Variants in ICA1 observed in about 807,000 individuals in gnomAD.
ICA1 encodes islet cell autoantigen 1.
A neutral mutation model predicts 71.0 loss-of-function variants in ICA1; 40 were observed. That is an observed-to-expected ratio of 0.56 (90% confidence interval 0.44 to 0.73). The LOEUF (loss-of-function observed/expected upper bound fraction) is 0.73, where lower values mean the gene tolerates loss of function less well. ICA1 is among the 30% of genes least tolerant of loss of function. ICA1 has a pLI of 0.00. For synonymous variants in ICA1, 207 were observed against 209.5 expected, an observed-to-expected ratio of 0.99 and a Z score of 0.10; for missense variants, 578 against 576.5, an observed-to-expected ratio of 1.00 and a Z score of -0.03.
intron 8 of ICA1, among the ~76,000 whole-genome samples, chr7:8,148,027 G>A (rs905705408): frequency 2.6e-5 from 4 of 152,002 alleles, no homozygotes; most frequent in Non-Finnish European, 5.9e-5. Flanking sequence ...GGTGTGTGTC[G>A]GTGCGACCTG....
intron 1 of ICA1, among the ~76,000 whole-genome samples, chr7:8,242,893 A>G (rs147024480): frequency 0.033 from 4,992 of 152,304 alleles, 149 homozygotes; most frequent in African/African-American, 0.076. Context: ...GAATAGACCA[A>G]TAACAGGCTC....
intron 1 of ICA1, among the ~76,000 whole-genome samples, chr7:8,239,617 G>C (rs747905145): frequency 6.6e-6 from 1 of 152,228 alleles, no homozygotes; most frequent in Non-Finnish European, 1.5e-5. Flanking sequence ...GGAAGTGCAA[G>C]GGGTCGGGGG....
chr7:8,170,354 G>A (rs1807848344), intron 6 of ICA1, among the ~76,000 whole-genome samples: 2 of 151,842 alleles, frequency 1.3e-5, no homozygotes, highest in African/African-American at 4.8e-5. Flanking sequence ...AAATCTTAGG[G>A]TCAGCTTGTC....
At chr7:8,131,518 T>A (rs183669231) in intron 12 of ICA1, among the ~76,000 whole-genome samples, 19 of 152,316 alleles carry the variant, frequency 1.2e-4, no homozygotes, top group Admixed American at 1.2e-3. Context: ...TTTAGCCTTT[T>A]ATTTGGCTTC....
chr7:8,225,112 T>G (rs1383315732), intron 4 of ICA1, among the ~76,000 whole-genome samples: 2 of 152,220 alleles, frequency 1.3e-5, no homozygotes, highest in African/African-American at 4.8e-5. Flanking sequence ...AATGCAAATG[T>G]CCATTTTCTC....
intron 13 of ICA1, among the ~76,000 whole-genome samples, chr7:8,115,666 G>T (rs1784560635): frequency 1.3e-5 from 2 of 152,172 alleles, no homozygotes; most frequent in Admixed American, 1.3e-4. Flanking sequence ...AACATTTTTT[G>T]ATGATAATGG....
At chr7:8,225,065 T>G (rs1034053277) in intron 4 of ICA1, among the ~76,000 whole-genome samples, 1 of 152,212 alleles carries the variant, frequency 6.6e-6, no homozygotes, top group Non-Finnish European at 1.5e-5. Flanking sequence ...TTTTTCCTTT[T>G]GTAATCATTA....
chr7:8,151,375 G>C (rs1027808750), intron 8 of ICA1, among the ~76,000 whole-genome samples: 1 of 152,144 alleles, frequency 6.6e-6, no homozygotes, highest in Non-Finnish European at 1.5e-5. Flanking sequence ...GTCCCCCTCA[G>C]ATTTCAGTGG....
intron 1 of ICA1, among the ~76,000 whole-genome samples, chr7:8,243,638 C>T (rs1386567269): frequency 6.6e-6 from 1 of 152,196 alleles, no homozygotes; most frequent in Non-Finnish European, 1.5e-5. Flanking sequence ...TCCCTGTTTG[C>T]AGATGACATG....
rs573893414 is a variant in ICA1, at chr7:8,235,850, T to C, written c.17+60A>G. On this transcript the variant is annotated intron_variant, in intron 2 of 13. Transcript: ENST00000402384. The stretch of plus-strand genomic sequence containing the variant: ...TGTTTTTCCATTCAATAGATGTTTA[T>C]TGATCATATGCTATATGCTTTCTAC... 2.5e-5 allele frequency: 39 copies of C among 1,538,660 alleles called. No homozygotes were observed. The East Asian group carries it at 2.9e-4, about 12-fold the overall frequency.
intron 1 of ICA1, among the ~76,000 whole-genome samples, chr7:8,253,709 CT>C (rs1433688334): frequency 6.6e-6 from 1 of 152,070 alleles, no homozygotes; most frequent in Non-Finnish European, 1.5e-5. Context: ...GGAAAGTCAA[CT>C]TTTCATATAC....
chr7:8,177,321 G>T (rs1780923773), intron 6 of ICA1, among the ~76,000 whole-genome samples: 1 of 152,058 alleles, frequency 6.6e-6, no homozygotes, highest in South Asian at 2.1e-4. Context: ...TGCTCAGCTG[G>T]TGAATTTTTT....
rs555275640 is a variant in ICA1 at position 8,115,928 on chromosome 7, T to C, written c.1331-1884A>G. On this transcript the variant is annotated intron_variant, in intron 13 of 13. Coordinates refer to ENST00000402384, the MANE Select transcript of ICA1 (RefSeq NM_001136020.3). ...TGGCAATGGTATTTCTGGCTAAAAATAGCAAACCTCAGAGGCCTTTCATAC... is the reference window on the plus strand; with the variant it reads ...TGGCAATGGTATTTCTGGCTAAAAACAGCAAACCTCAGAGGCCTTTCATAC... Among the ~76,000 whole-genome samples the C allele has an allele frequency of 1.2e-4, 19 of 152,314 alleles. No homozygotes were observed. The East Asian group carries it at 3.5e-3, about 28-fold the overall frequency.
intron 8 of ICA1, among the ~76,000 whole-genome samples, chr7:8,155,037 T>A (rs547449029): frequency 6.6e-6 from 1 of 152,152 alleles, no homozygotes; most frequent in Non-Finnish European, 1.5e-5. Flanking sequence ...TCTATCAGCT[T>A]GAGATTCTAA....
rs11973454 is a variant in ICA1 at position 8,223,955 on chromosome 7, T to G, written c.257-2557A>C. 0.099 allele frequency among the ~76,000 whole-genome samples: 15,025 copies of G among 152,134 alleles called. 1,869 individuals carry two copies. Among genetic ancestry groups the G allele is most frequent in the African/African-American group, 0.3 (12,329 of 41,446 alleles). ...AATTAATTAGCTGGACAGCATTAAC[T>G]CACTCAGCACAGATTTATGGATGAT... On this transcript the variant is annotated intron_variant, in intron 4 of 13. Transcript: ENST00000402384. The surrounding 1 kb of genome is among the most constrained non-coding windows in gnomAD (Gnocchi z 4.1).
chr7:8,216,224 T>A (rs1276131375), intron 6 of ICA1, among the ~76,000 whole-genome samples: 1 of 152,226 alleles, frequency 6.6e-6, no homozygotes, highest in Non-Finnish European at 1.5e-5. Flanking sequence ...TGTGCTCATT[T>A]GGGGTCAAGT....
At chr7:8,150,754 A>C (rs1344929452) in intron 8 of ICA1, among the ~76,000 whole-genome samples, 1 of 152,250 alleles carries the variant, frequency 6.6e-6, no homozygotes. Context: ...TTTTGCCTAT[A>C]AGCAAACACT....
intron 12 of ICA1, among the ~76,000 whole-genome samples, chr7:8,135,151 A>G (rs1232219234): frequency 6.6e-6 from 1 of 151,908 alleles, no homozygotes; most frequent in African/African-American, 2.4e-5. Context: ...CTCAGCCTCC[A>G]GAGTAGCTGG....
chr7:8,250,320 A>T (rs1051386679), intron 1 of ICA1, among the ~76,000 whole-genome samples: 1 of 152,232 alleles, frequency 6.6e-6, no homozygotes, highest in African/African-American at 2.4e-5. Context: ...TCCTCCAGGC[A>T]TAATTAACCA....
Sources: allele counts gnomAD v4.1 joint callset (sites outside exome capture counted in the v4.1 genomes callset), GRCh38; gene constraint gnomAD v4.1.1; non-coding constraint Gnocchi (gnomAD v3.1); transcripts MANE v1.5; gene names NCBI Gene and HGNC (gene_info 2026-07-23, HGNC 2026-07-21).